The following EPHB1 variants were observed in gnomAD, a reference collection of about 807,000 sequenced individuals.
EPHB1 encodes the protein EPH receptor B1, also known as ephrin type-B receptor 1.
A neutral mutation model predicts 94.4 loss-of-function variants in EPHB1; 30 were observed. The observed-to-expected ratio is 0.32, with a 90% CI of 0.24 to 0.43. The LOEUF (loss-of-function observed/expected upper bound fraction) is 0.43. Among genes scored for constraint, EPHB1 ranks in the 20% least tolerant of loss-of-function variants. The pLI is 1.00. For synonymous variants in EPHB1, 522 were observed against 489.1 expected, an observed-to-expected ratio of 1.07 and a Z score of -0.89; for missense variants, 1,055 against 1,308.3, an observed-to-expected ratio of 0.81 and a Z score of 2.99.
At chr3:134,822,083 T>C (rs1185721364) in intron 1 of EPHB1, among the ~76,000 whole-genome samples, 2 of 152,156 alleles carry the variant, frequency 1.3e-5, no homozygotes, top group Non-Finnish European at 2.9e-5. Flanking sequence ...GTAGGAGATA[T>C]CTCTGCTTCA....
At chr3:135,189,238 A>T (rs1317353201) in intron 10 of EPHB1, among the ~76,000 whole-genome samples, 12 of 152,208 alleles carry the variant, frequency 7.9e-5, no homozygotes, top group Admixed American at 7.9e-4. Flanking sequence ...TGTATGAGGC[A>T]GGCTATATGT....
intron 3 of EPHB1, among the ~76,000 whole-genome samples, chr3:135,030,732 T>C (rs1239612350): frequency 6.6e-6 from 1 of 152,256 alleles, no homozygotes; most frequent in Non-Finnish European, 1.5e-5. Context: ...CAGGCCTCCT[T>C]GAGCTGTGGT....
chr3:134,830,319 A>G (rs984032965), intron 1 of EPHB1, among the ~76,000 whole-genome samples: 1 of 152,256 alleles, frequency 6.6e-6, no homozygotes, highest in African/African-American at 2.4e-5. Flanking sequence ...ATTAACACAC[A>G]TACAATATTA....
intron 1 of EPHB1, among the ~76,000 whole-genome samples, chr3:134,875,380 C>T (rs748071479): frequency 5.9e-5 from 9 of 152,114 alleles, no homozygotes; most frequent in Non-Finnish European, 1.2e-4. Flanking sequence ...GAGGCACTAC[C>T]GGCAATGGAG....
In EPHB1 at chr3:134,878,203, A is replaced by G. The variant is rs763362011; in HGVS notation, c.59-47613A>G. Among the ~76,000 whole-genome samples the G allele has an allele frequency of 7.9e-5, 12 of 152,248 alleles. 1 individual carries two copies. The highest frequency in any genetic ancestry group is 2.0e-4 in the Admixed American group (3 of 15,288). ...TCTGAGGGATATTTGTATGTTATGA[A>G]TTAAGAACAAGTTTTAGGCTCTTCT... On this transcript the variant is annotated intron_variant, in intron 1 of 15. Transcript: ENST00000398015.
chr3:134,918,207 A>G (rs911195475), intron 1 of EPHB1, among the ~76,000 whole-genome samples: 1 of 152,222 alleles, frequency 6.6e-6, no homozygotes, highest in Non-Finnish European at 1.5e-5. Flanking sequence ...GACCTCCATG[A>G]GTAGGACTAG....
At chr3:135,047,250 G>A (rs1158715385) in intron 3 of EPHB1, among the ~76,000 whole-genome samples, 1 of 152,166 alleles carries the variant, frequency 6.6e-6, no homozygotes, top group Non-Finnish European at 1.5e-5. Context: ...GAGAAATGCT[G>A]GGCAAATTAG....
chr3:135,247,779 G>A (rs1382218844), intron 13 of EPHB1, among the ~76,000 whole-genome samples: 1 of 152,184 alleles, frequency 6.6e-6, no homozygotes, highest in Non-Finnish European at 1.5e-5. Context: ...TAATGCAGAG[G>A]AGGCATCTAG....
At chr3:135,131,074 T>C (rs1940396649) in intron 4 of EPHB1, among the ~76,000 whole-genome samples, 1 of 152,190 alleles carries the variant, frequency 6.6e-6, no homozygotes. Context: ...CAGCACTAGC[T>C]ATGTGATTAT....
At chr3:135,160,933 A>G (rs923358017) in intron 6 of EPHB1, among the ~76,000 whole-genome samples, 88 of 152,312 alleles carry the variant, frequency 5.8e-4, no homozygotes, top group African/African-American at 2.0e-3. Flanking sequence ...CCCCGGATTT[A>G]GGGGAATGTG....
chr3:134,950,703 A>C (rs1040127061), intron 2 of EPHB1, among the ~76,000 whole-genome samples: 1 of 152,316 alleles, frequency 6.6e-6, no homozygotes, highest in Non-Finnish European at 1.5e-5. Flanking sequence ...TTCATGAAGG[A>C]TCTGCCCCCA....
intron 1 of EPHB1, among the ~76,000 whole-genome samples, chr3:134,924,094 A>G (rs115965997): frequency 6.6e-6 from 1 of 152,338 alleles, no homozygotes; most frequent in African/African-American, 2.4e-5. Flanking sequence ...ACATCAAGAA[A>G]AAAGCACATT....
intron 3 of EPHB1, among the ~76,000 whole-genome samples, chr3:135,002,637 C>G (rs200811988): frequency 1.4e-3 from 190 of 139,100 alleles, no homozygotes; most frequent in East Asian, 6.3e-3. Context: ...AACTTCAGAT[C>G]CTGTTATTGG....
chr3:134,875,131 G>C (rs2037590480), intron 1 of EPHB1, among the ~76,000 whole-genome samples: 1 of 152,198 alleles, frequency 6.6e-6, no homozygotes, highest in African/African-American at 2.4e-5. Flanking sequence ...CACCCTGACA[G>C]AATCTCCAGG....
chr3:134,919,868 G>A (rs2038647212), intron 1 of EPHB1, among the ~76,000 whole-genome samples: 1 of 151,760 alleles, frequency 6.6e-6, no homozygotes, highest in African/African-American at 2.4e-5. Context: ...GTGTGTGTAT[G>A]CATGCGCCTG....
At chr3:134,921,862 GGA>G (rs2038693516) in intron 1 of EPHB1, among the ~76,000 whole-genome samples, 1 of 152,202 alleles carries the variant, frequency 6.6e-6, no homozygotes, top group Admixed American at 6.5e-5. Flanking sequence ...GAGCACAGGT[GGA>G]GAGAGAGATG....
intron 11 of EPHB1, among the ~76,000 whole-genome samples, chr3:135,194,038 C>A (rs1405984641): frequency 1.3e-5 from 2 of 152,112 alleles, no homozygotes; most frequent in African/African-American, 4.8e-5. Context: ...TTCCTTAGAG[C>A]AAGCTGGGTC....
Position 135,054,040 on chromosome 3 carries a change from T to TATATACAC in EPHB1, c.806-52407_806-52406insTATACACA, listed in dbSNP as rs377064799. Among the ~76,000 whole-genome samples, 734 of 139,856 alleles carry TATATACAC rather than the reference T, an allele frequency of 5.2e-3. 11 individuals carry two copies. Among genetic ancestry groups the TATATACAC allele is most frequent in the African/African-American group, 0.017 (629 of 36,466 alleles). 91.8% of individuals were successfully genotyped at this position (139,856 alleles called of 152,430 possible). On this transcript the variant is annotated intron_variant, in intron 3 of 15. Transcript: ENST00000398015. ...GTGTGTCTGCATATATATATATATA[T>TATATACAC]ACACACACACACACACACACACACA...
At chr3:135,233,813 C>T (rs991816723) in intron 12 of EPHB1, among the ~76,000 whole-genome samples, 5 of 152,354 alleles carry the variant, frequency 3.3e-5, no homozygotes, top group African/African-American at 1.2e-4. Context: ...ACAGGACCAA[C>T]ATCATGTGGA....
Sources: gnomAD v4.1 joint callset for allele counts (sites outside exome capture counted in the v4.1 genomes callset) on GRCh38, gnomAD v4.1.1 for gene constraint, MANE v1.5 for transcripts, NCBI Gene and HGNC (gene_info 2026-07-23, HGNC 2026-07-21) for gene names.